Variants in FHIP1A observed in about 807,000 individuals in gnomAD.
FHIP1A encodes the protein FHF complex subunit HOOK interacting protein 1A.
FHIP1A carries 61 observed loss-of-function variants against 88.6 expected under a neutral mutation model. That is an observed-to-expected ratio of 0.69 (90% CI 0.56 to 0.85). The LOEUF (loss-of-function observed/expected upper bound fraction) is 0.85, where lower values mean the gene tolerates loss of function less well. Ranked by LOEUF, FHIP1A falls within the 40% of genes least tolerant of loss-of-function variation. The pLI is 0.00. For synonymous variants in FHIP1A, 478 were observed against 496.0 expected, an observed-to-expected ratio of 0.96 and a Z score of 0.48; for missense variants, 1,154 against 1,273.5, an observed-to-expected ratio of 0.91 and a Z score of 1.43.
intron 3 of FHIP1A, among the ~76,000 whole-genome samples, chr4:151,512,396 G>A (rs543688607): frequency 4.6e-5 from 7 of 152,326 alleles, no homozygotes; most frequent in South Asian, 4.1e-4. Context: ...GCAGAGCGCC[G>A]CTCCTCCTCC....
chr4:151,663,856 G>C lies in FHIP1A; in HGVS notation c.*1102G>C, dbSNP rs1435067001. 6.6e-6 allele frequency among the ~76,000 whole-genome samples: 1 copy of C among 152,172 alleles called. No individual in the cohort carries two copies. Among genetic ancestry groups the C allele is most frequent in the Non-Finnish European group, 1.5e-5 (1 of 68,042 alleles). On this transcript the variant is annotated 3_prime_UTR_variant, in exon 14 of 14. Transcript: ENST00000435205. ...AGCCCTGCAAAGCCAAGTGCCTGCT[G>C]GCGACTCACTCTGCATGGAAATGCT...
chr4:151,500,440 A>C (rs1730609664), intron 3 of FHIP1A, among the ~76,000 whole-genome samples: 1 of 62,030 alleles, frequency 1.6e-5, no homozygotes, highest in Non-Finnish European at 4.4e-5. Context: ...GCCATTCTCA[A>C]AAAAAAAAAA....
At chr4:151,480,781 A>C (rs1215219198) in intron 2 of FHIP1A, among the ~76,000 whole-genome samples, 1 of 151,982 alleles carries the variant, frequency 6.6e-6, no homozygotes, top group Non-Finnish European at 1.5e-5. Flanking sequence ...ATGCCTTGCC[A>C]CTGCTACTCC....
chr4:151,585,611 T>G (rs775799688), intron 5 of FHIP1A, among the ~76,000 whole-genome samples: 1 of 152,160 alleles, frequency 6.6e-6, no homozygotes, highest in Non-Finnish European at 1.5e-5. Flanking sequence ...ACTATGAAAT[T>G]CATTGCATCC....
intron 1 of FHIP1A, among the ~76,000 whole-genome samples, chr4:151,430,495 C>CT (rs1733550634): frequency 6.6e-6 from 1 of 152,270 alleles, no homozygotes; most frequent in African/African-American, 2.4e-5. Flanking sequence ...AGCACTTATC[C>CT]TTTTTTGTAC....
intron 3 of FHIP1A, among the ~76,000 whole-genome samples, chr4:151,558,205 G>A (rs1214308890): frequency 2.6e-5 from 4 of 152,076 alleles, no homozygotes; most frequent in African/African-American, 4.8e-5. Context: ...GGTTTTGTAC[G>A]AGTAGAAAAA....
At position 151,553,497 on chromosome 4, in the gene FHIP1A, T is replaced by G. The variant is rs1387222919; in HGVS notation, c.-122-12641T>G. Among the ~76,000 whole-genome samples the G allele has an allele frequency of 2.0e-5, 3 of 152,204 alleles. No individual in the cohort carries two copies. In the South Asian group the frequency reaches 6.2e-4, roughly 32 times the overall value. On this transcript the variant is annotated intron_variant, in intron 3 of 13. Coordinates refer to ENST00000435205, the MANE Select transcript of FHIP1A (RefSeq NM_001109977.3). ...AATTAATTGAGATACTTTAAGTGAT[T>G]AATATTTAGTGTTTTTTTCTTTTAA...
intron 7 of FHIP1A, among the ~76,000 whole-genome samples, chr4:151,613,609 A>G (rs1469415818): frequency 6.6e-6 from 1 of 152,240 alleles, no homozygotes; most frequent in Non-Finnish European, 1.5e-5. Flanking sequence ...TTGTTACTCC[A>G]TCAGTGAAAT....
chr4:151,598,768 C>A (rs1045436875), intron 7 of FHIP1A, among the ~76,000 whole-genome samples: 4 of 152,060 alleles, frequency 2.6e-5, no homozygotes, highest in Non-Finnish European at 5.9e-5. Flanking sequence ...TTCACAGTTC[C>A]TTATTCACAA....
chr4:151,410,221 C>T (rs537333635), intron 1 of FHIP1A, among the ~76,000 whole-genome samples: 10 of 152,266 alleles, frequency 6.6e-5, no homozygotes, highest in African/African-American at 2.2e-4. Context: ...CCTCCTGGAC[C>T]CACCCATTCA....
chr4:151,598,738 T>G (rs1221362862), intron 7 of FHIP1A, among the ~76,000 whole-genome samples: 1 of 152,186 alleles, frequency 6.6e-6, no homozygotes, highest in Non-Finnish European at 1.5e-5. Flanking sequence ...GGCTGCATAG[T>G]TTTCTATAGT....
intron 13 of FHIP1A, 112 bp downstream of exon 13, chr4:151,657,010 G>A: frequency 8.9e-7 from 1 of 1,118,912 alleles, no homozygotes; most frequent in Non-Finnish European, 1.2e-6. Flanking sequence ...GAAGCATTCA[G>A]AGATATTTTC....
At chr4:151,581,961 A>G (rs143486244) in intron 5 of FHIP1A, among the ~76,000 whole-genome samples, 2 of 152,328 alleles carry the variant, frequency 1.3e-5, no homozygotes, top group African/African-American at 4.8e-5. Context: ...AAGATACTCT[A>G]GGGAACAATT....
intron 3 of FHIP1A, among the ~76,000 whole-genome samples, chr4:151,512,120 C>T (rs1284186107): frequency 5.3e-5 from 8 of 152,252 alleles, no homozygotes; most frequent in Admixed American, 1.3e-4. Flanking sequence ...CAGCAGCATT[C>T]GTGGATCACG....
At chr4:151,570,857 G>C (rs1048653686) in intron 4 of FHIP1A, among the ~76,000 whole-genome samples, 5 of 152,190 alleles carry the variant, frequency 3.3e-5, no homozygotes, top group African/African-American at 7.2e-5. Context: ...TGTATAATTT[G>C]TCACCGGCAA....
chr4:151,451,298 C>G (rs1286349260), intron 1 of FHIP1A, among the ~76,000 whole-genome samples: 1 of 151,826 alleles, frequency 6.6e-6, no homozygotes, highest in African/African-American at 2.4e-5. Context: ...TTTATTTTTG[C>G]TTTACATTTT....
intron 1 of FHIP1A, among the ~76,000 whole-genome samples, chr4:151,425,877 G>A (rs964685293): frequency 3.3e-5 from 5 of 152,032 alleles, no homozygotes; most frequent in African/African-American, 4.8e-5. Context: ...ATGTGTGCTC[G>A]CTTCAGCAAC....
At position 151,629,989 on chromosome 4, in the gene FHIP1A, T is replaced by C. The variant is rs970119229; in HGVS notation, c.1146+120T>C. On this transcript the variant is annotated intron_variant, in intron 8 of 13. Transcript: ENST00000435205. ...TCTCCTTTTTTTTTCTTTTTCTTTT[T>C]TGGTTGTTGTTGTTTTGTGGCCATT... 5.8e-6 allele frequency: 5 copies of C among 862,096 alleles called. No individual in the cohort carries two copies. In the African/African-American group the frequency reaches 8.6e-5, roughly 15 times the overall value. 53.4% of individuals were successfully genotyped at this position (862,096 alleles called of 1,614,324 possible).
chr4:151,484,418 T>C (rs1271958973), intron 3 of FHIP1A, among the ~76,000 whole-genome samples: 2 of 152,068 alleles, frequency 1.3e-5, no homozygotes, highest in Non-Finnish European at 2.9e-5. Flanking sequence ...GAGTGGGGTG[T>C]GAAGAGTACA....
Sources: gnomAD v4.1 joint callset for allele counts (sites outside exome capture counted in the v4.1 genomes callset) on GRCh38, gnomAD v4.1.1 for gene constraint, MANE v1.5 for transcripts, NCBI Gene and HGNC (gene_info 2026-07-23, HGNC 2026-07-21) for gene names.